The following EPHA5 variants were observed in gnomAD, a reference collection of about 807,000 sequenced individuals.
The protein encoded by EPHA5 is EPH receptor A5, also known as ephrin type-A receptor 5.
A neutral mutation model predicts 105.0 loss-of-function variants in EPHA5; 60 were observed. The ratio of observed to expected loss-of-function variants is 0.57; its 90% CI spans 0.46 to 0.71. EPHA5 has a LOEUF of 0.71. Ranked by LOEUF, EPHA5 falls within the 30% of genes least tolerant of loss-of-function variation. EPHA5 has a pLI of 0.00. For synonymous variants in EPHA5, 513 were observed against 449.1 expected (o/e 1.14, Z -1.80); for missense variants, 1,218 against 1,274.7 (o/e 0.96, Z 0.68).
In EPHA5 at chr4:65,366,154, T is replaced by C. The variant is rs543951686; in HGVS notation, c.1862-97A>G. 5.9e-6 allele frequency: 7 copies of C among 1,180,816 alleles called. No homozygotes were observed. The African/African-American group carries it at 1.1e-4, about 18-fold the overall frequency. 73.1% of individuals were successfully genotyped at this position (1,180,816 alleles called of 1,614,324 possible). ...TGCAAGTATGGCTTAAATCTCTAAT[T>C]CCTGGAAGTATTCAAACTGCAAGGA... On this transcript the variant is annotated intron_variant, in intron 9 of 16. Transcript: ENST00000613740.
At chr4:65,590,447 T>C (rs1742526287) in intron 3 of EPHA5, among the ~76,000 whole-genome samples, 1 of 152,184 alleles carries the variant, frequency 6.6e-6, no homozygotes, top group African/African-American at 2.4e-5. Context: ...TGAGATCATG[T>C]ATAGCTTAGA....
chr4:65,337,382 C>G (rs1215839780), intron 14 of EPHA5, among the ~76,000 whole-genome samples: 1 of 152,110 alleles, frequency 6.6e-6, no homozygotes, highest in Non-Finnish European at 1.5e-5. Context: ...CTTCCCCTTC[C>G]TCTTCCTGGC....
At chr4:65,612,929 G>A (rs1003892970) in intron 2 of EPHA5, among the ~76,000 whole-genome samples, 8 of 151,934 alleles carry the variant, frequency 5.3e-5, no homozygotes, top group African/African-American at 1.9e-4. Context: ...TGTTTTTGAG[G>A]TCTTAATCAT....
chr4:65,414,186 G>T (rs1436452401), intron 7 of EPHA5, 98 bp downstream of exon 7: 3 of 1,048,272 alleles, frequency 2.9e-6, no homozygotes, highest in East Asian at 2.4e-5. Context: ...GAGAGGGAGA[G>T]TGAGACTGAC....
At chr4:65,527,438 T>C (rs983124639) in intron 3 of EPHA5, among the ~76,000 whole-genome samples, 3 of 152,018 alleles carry the variant, frequency 2.0e-5, no homozygotes, top group South Asian at 2.1e-4. Context: ...ACAGAGCAAA[T>C]ACATGGAGTA....
chr4:65,406,231 G>T (rs1190507680), intron 7 of EPHA5, among the ~76,000 whole-genome samples: 1 of 152,078 alleles, frequency 6.6e-6, no homozygotes, highest in African/African-American at 2.4e-5. Context: ...ACTTACTAGG[G>T]TTAGTTCAAT....
chr4:65,603,510 C>A (rs1377666281), intron 2 of EPHA5, among the ~76,000 whole-genome samples: 1 of 152,048 alleles, frequency 6.6e-6, no homozygotes, highest in East Asian at 1.9e-4. Flanking sequence ...TTTCTTTAGA[C>A]ATGAAATTAA....
At chr4:65,439,061 A>C (rs1725764258) in intron 5 of EPHA5, among the ~76,000 whole-genome samples, 1 of 152,146 alleles carries the variant, frequency 6.6e-6, no homozygotes, top group Non-Finnish European at 1.5e-5. Flanking sequence ...AGATACTATC[A>C]TTATGCCCAT....
chr4:65,609,904 T>C (rs1216296839), intron 2 of EPHA5, among the ~76,000 whole-genome samples: 2 of 152,120 alleles, frequency 1.3e-5, no homozygotes, highest in Non-Finnish European at 2.9e-5. Flanking sequence ...ACTGATTATG[T>C]ATTTATTATG....
At position 65,669,703 on chromosome 4, in the gene EPHA5, G is replaced by A. The variant is rs1371005552; in HGVS notation, c.40C>T (p.Pro14Ser). The A allele has an allele frequency of 2.3e-6, 3 of 1,296,304 alleles. No homozygotes were observed. The South Asian group carries it at 7.5e-5, about 32-fold the overall frequency. The allele number at this position is 1,296,304 out of a possible 1,614,324, so 80.3% of individuals were successfully genotyped here. A position where few individuals can be genotyped will look rare whatever the true frequency, so the allele number is the denominator to read the frequency against. The change falls in exon 1 of 17, where the codon CCC becomes TCC. Residue 14 changes from proline to serine, a missense_variant. Around this residue, in one of 3 missense-constraint regions of EPHA5, gnomAD observed 233 missense variants for 227.5 expected, o/e 1.02. Transcript: ENST00000613740. ...GGGGTGTCGCCGCCGCCGCTTGGGG[G>A]CCGCCGGCGTCCCGCACCCCGGGGC... ...SGPRGAGRRR[P>S]PSGGGDTPIT...
chr4:65,398,103 G>A (rs1402625173), intron 8 of EPHA5, among the ~76,000 whole-genome samples: 1 of 152,172 alleles, frequency 6.6e-6, no homozygotes, highest in Non-Finnish European at 1.5e-5. Flanking sequence ...CACAGCTGAG[G>A]AACCAAGCAT....
At chr4:65,598,506 T>C (rs1290799124) in intron 3 of EPHA5, among the ~76,000 whole-genome samples, 1 of 152,120 alleles carries the variant, frequency 6.6e-6, no homozygotes, top group East Asian at 1.9e-4. Flanking sequence ...AGTTAAGGAG[T>C]ACATGGTCTC....
intron 5 of EPHA5, among the ~76,000 whole-genome samples, chr4:65,422,776 T>A (rs2149042787): frequency 6.6e-6 from 1 of 152,194 alleles, no homozygotes; most frequent in Admixed American, 6.6e-5. Flanking sequence ...TTGCCTTGTC[T>A]GTTTCAAATT....
At chr4:65,561,236 T>C (rs901205485) in intron 3 of EPHA5, among the ~76,000 whole-genome samples, 3 of 152,114 alleles carry the variant, frequency 2.0e-5, no homozygotes, top group African/African-American at 7.2e-5. Context: ...AAATGAGCTT[T>C]GTAAGATATT....
intron 3 of EPHA5, among the ~76,000 whole-genome samples, chr4:65,530,963 T>A (rs1403897626): frequency 6.6e-6 from 1 of 152,176 alleles, no homozygotes; most frequent in African/African-American, 2.4e-5. Context: ...CTTCCAGGAA[T>A]TTGCTTTAAA....
At chr4:65,467,240 A>G (rs1437929265) in intron 5 of EPHA5, among the ~76,000 whole-genome samples, 2 of 152,190 alleles carry the variant, frequency 1.3e-5, no homozygotes, top group Non-Finnish European at 2.9e-5. Context: ...ACCAGAAAGC[A>G]AAAGAGAGTT....
At chr4:65,536,538 A>G (rs1401049304) in intron 3 of EPHA5, among the ~76,000 whole-genome samples, 1 of 151,832 alleles carries the variant, frequency 6.6e-6, no homozygotes, top group Admixed American at 6.6e-5. Flanking sequence ...TCAGAAGTCA[A>G]TTTTACAGTA....
rs1723312412 is a variant in EPHA5 at position 65,356,531 on chromosome 4, T to G, written c.2174-3428A>C. Among the ~76,000 whole-genome samples, 3 of 151,538 alleles carry G rather than the reference T, an allele frequency of 2.0e-5. No homozygotes were observed. In the South Asian group the frequency reaches 6.2e-4, roughly 31 times the overall value. ...ACCTGGTATTCATCCTGTAGGATTT[T>G]TCAGCTAGTGTCATCTAATTTTAAA... On this transcript the variant is annotated intron_variant, in intron 11 of 16. Transcript: ENST00000613740.
intron 8 of EPHA5, among the ~76,000 whole-genome samples, chr4:65,388,515 T>C (rs1316646775): frequency 6.6e-6 from 1 of 151,362 alleles, no homozygotes; most frequent in African/African-American, 2.4e-5. Context: ...CCATTCTAAC[T>C]GTTGTGAGAT....
Sources: allele counts gnomAD v4.1 joint callset (sites outside exome capture counted in the v4.1 genomes callset), GRCh38; gene constraint gnomAD v4.1.1; regional missense constraint gnomAD v4.1.1; transcripts MANE v1.5; gene names NCBI Gene and HGNC (gene_info 2026-07-23, HGNC 2026-07-21).